Variants in MAMLD1 observed in about 807,000 individuals in gnomAD.
The protein encoded by MAMLD1 is mastermind like domain containing 1, also known as mastermind-like domain-containing protein 1.
In MAMLD1, 14 loss-of-function variants were observed where a neutral mutation model predicts 45.0. The ratio of observed to expected loss-of-function variants is 0.31; its 90% CI spans 0.21 to 0.49. The LOEUF is 0.49. MAMLD1 is among the 20% of genes least tolerant of loss of function. The probability of loss-of-function intolerance (pLI) is 0.99; values close to 1 mark genes in which losing one functional copy is unlikely to be tolerated. For missense variants in MAMLD1, 543 were observed against 603.6 expected (o/e 0.90, Z 1.05); for synonymous variants, 254 against 247.8 (o/e 1.02, Z -0.24).
intron 2 of MAMLD1, among the ~76,000 whole-genome samples, chrX:150,450,700 G>A (rs2035634623): frequency 9.0e-6 from 1 of 111,417 alleles, no homozygotes; most frequent in African/African-American, 3.3e-5. Context: ...ATGATCAGAG[G>A]TTGGCATTGG....
At chrX:150,440,904 A>C (rs1236641066) in intron 1 of MAMLD1, among the ~76,000 whole-genome samples, 3 of 104,282 alleles carry the variant, frequency 2.9e-5, no homozygotes. Context: ...TATTTATTAA[A>C]TTTAAAATAT....
At chrX:150,411,215 C>A (rs2034116872) in intron 1 of MAMLD1, among the ~76,000 whole-genome samples, 1 of 111,987 alleles carries the variant, frequency 8.9e-6, no homozygotes, top group African/African-American at 3.2e-5. Flanking sequence ...AAGTCAGAGG[C>A]AGCCATGTAC....
At chrX:150,453,250 T>G (rs782022831) in intron 2 of MAMLD1, among the ~76,000 whole-genome samples, 7 of 112,091 alleles carry the variant, frequency 6.2e-5, no homozygotes, top group Admixed American at 1.9e-4. Context: ...AAATAAACTT[T>G]TATTAGCACA....
At chrX:150,502,965 G>A (rs1162408575) in intron 5 of MAMLD1, among the ~76,000 whole-genome samples, 2 of 111,916 alleles carry the variant, frequency 1.8e-5, no homozygotes, top group Admixed American at 1.9e-4. Context: ...TGAGATCCAT[G>A]GATGGGTATT....
At chrX:150,506,263 G>A (rs975917602) in intron 6 of MAMLD1, among the ~76,000 whole-genome samples, 7 of 107,780 alleles carry the variant, frequency 6.5e-5, no homozygotes, top group Admixed American at 4.9e-4. Context: ...TAATCTCCCC[G>A]CTCCCTCCCC....
intron 1 of MAMLD1, among the ~76,000 whole-genome samples, chrX:150,439,167 C>T (rs1017851987): frequency 2.0e-4 from 22 of 111,672 alleles, no homozygotes; most frequent in African/African-American, 7.2e-4. Flanking sequence ...CTATTTAAGT[C>T]CTTTGCCTGT....
intron 1 of MAMLD1, among the ~76,000 whole-genome samples, chrX:150,382,674 A>G (rs1415949333): frequency 9.0e-6 from 1 of 110,871 alleles, no homozygotes; most frequent in Non-Finnish European, 1.9e-5. Context: ...GTTTATTATT[A>G]TTTCTATTTG....
chrX:150,503,545 T>C, intron 6 of MAMLD1, 28 bp downstream of exon 6: 1 of 912,076 alleles, frequency 1.1e-6, no homozygotes. Flanking sequence ...GAGCCTCGCT[T>C]TCCTCATCTG....
chrX:150,464,528 C>T (rs1459479083), intron 3 of MAMLD1, among the ~76,000 whole-genome samples: 4 of 112,162 alleles, frequency 3.6e-5, no homozygotes, highest in Non-Finnish European at 7.5e-5. Flanking sequence ...TAACACATCC[C>T]CAAATACAGG....
chrX:150,476,095 T>G (rs2036575166), intron 5 of MAMLD1, among the ~76,000 whole-genome samples: 2 of 111,795 alleles, frequency 1.8e-5, no homozygotes, highest in Non-Finnish European at 3.8e-5. Flanking sequence ...TCAGAGCTTC[T>G]TGGACTTTAA....
chrX:150,375,266 C>A (rs192373694), intron 1 of MAMLD1, among the ~76,000 whole-genome samples: 36 of 111,864 alleles, frequency 3.2e-4, no homozygotes, highest in African/African-American at 1.1e-3. Context: ...TGTGCACCTT[C>A]CAAGTTCTCT....
At chrX:150,371,848 T>C (rs1557401078) in intron 1 of MAMLD1, among the ~76,000 whole-genome samples, 1 of 111,403 alleles carries the variant, frequency 9.0e-6, no homozygotes, top group Non-Finnish European at 1.9e-5. Context: ...CCACCTCACC[T>C]GCAAACTCAG....
chrX:150,411,947 A>T (rs1238547770), intron 1 of MAMLD1, among the ~76,000 whole-genome samples: 2 of 112,234 alleles, frequency 1.8e-5, no homozygotes, highest in Non-Finnish European at 3.8e-5. Flanking sequence ...AGGGAATAAA[A>T]ATTTAATAAT....
Position 150,471,058 on chromosome X carries a change from G to T in MAMLD1, c.1485G>T (p.Gln495His). The T allele has an allele frequency of 1.7e-6, 2 of 1,209,524 alleles. No homozygotes were observed. Among genetic ancestry groups the T allele is most frequent in the Non-Finnish European group, 1.1e-6 (1 of 894,216 alleles). Residue 495 changes from glutamine to histidine, a missense_variant, in exon 4 of 8, where the codon CAG becomes CAT. Transcript: ENST00000370401. The part of the protein sequence containing the change: ...PTSNLLSQQQ[Q>H]QQQQQQQANV... ...GTAATCTTCTAAGCCAGCAACAGCA[G>T]CAGCAGCAGCAGCAGCAGCAAGCAA... is the stretch of plus-strand genomic sequence containing the variant.
chrX:150,398,323 GAAGAA>G (rs2033573429), intron 1 of MAMLD1, among the ~76,000 whole-genome samples: 6 of 91,213 alleles, frequency 6.6e-5, no homozygotes, highest in Non-Finnish European at 1.1e-4. Context: ...AGAAGAAGAA[GAAGAA>G]GAAGAAGAAG....
At chrX:150,382,017 G>T (rs1303103597) in intron 1 of MAMLD1, among the ~76,000 whole-genome samples, 2 of 110,837 alleles carry the variant, frequency 1.8e-5, no homozygotes, top group Non-Finnish European at 3.8e-5. Flanking sequence ...TTCACAAAAA[G>T]ACTATTTTGG....
chrX:150,471,340 G>A lies in MAMLD1; in HGVS notation c.1767G>A (p.Thr589=), dbSNP rs376895588. The change falls in exon 4 of 8, where the codon ACG becomes ACA. Residue 589 remains threonine, a synonymous_variant. Transcript: ENST00000370401. ...CCTCCTCAGCCACTGCCTCCTCCAC[G>A]GCCACTGCCACCTTGCAGCTGCAGC... The part of the protein sequence containing the change: ...TQASSATASS[T]ATATLQLQQQ... 1.2e-5 allele frequency: 15 copies of A among 1,207,468 alleles called. No homozygotes were observed. In the African/African-American group the frequency reaches 1.2e-4, roughly 10 times the overall value.
chrX:150,413,015 T>C (rs1335816883), intron 1 of MAMLD1, among the ~76,000 whole-genome samples: 1 of 111,582 alleles, frequency 9.0e-6, no homozygotes, highest in Non-Finnish European at 1.9e-5. Flanking sequence ...CCTAGACCAC[T>C]GTGCCTGGCC....
intron 1 of MAMLD1, among the ~76,000 whole-genome samples, chrX:150,373,464 T>C (rs1569564354): frequency 1.3e-5 from 1 of 79,149 alleles, no homozygotes; most frequent in East Asian, 3.0e-4. Context: ...TCTCTCTCTC[T>C]CTCACACACA....
Sources: gnomAD v4.1 joint callset for allele counts (sites outside exome capture counted in the v4.1 genomes callset) on GRCh38, gnomAD v4.1.1 for gene constraint, MANE v1.5 for transcripts, NCBI Gene and HGNC (gene_info 2026-07-23, HGNC 2026-07-21) for gene names.